Variants in SV2C observed in about 807,000 individuals in gnomAD.
SV2C encodes synaptic vesicle glycoprotein 2C, also known as solute carrier family 22 member B3.
A neutral mutation model predicts 79.7 loss-of-function variants in SV2C; 49 were observed. The ratio of observed to expected loss-of-function variants is 0.61; its 90% CI spans 0.49 to 0.78. The LOEUF is 0.78. Among genes scored for constraint, SV2C ranks in the 30% least tolerant of loss-of-function variants. The pLI is 0.00. For synonymous variants in SV2C, 334 were observed against 333.2 expected (o/e 1.00, Z -0.03); for missense variants, 833 against 912.9 (o/e 0.91, Z 1.13).
At chr5:76,109,117 G>T (rs1274608945) in intron 1 of SV2C, among the ~76,000 whole-genome samples, 1 of 152,214 alleles carries the variant, frequency 6.6e-6, no homozygotes, top group Non-Finnish European at 1.5e-5. Flanking sequence ...AGCCTTAACT[G>T]CTTACTGTAT....
At chr5:76,264,890 C>G (rs1746600270) in intron 4 of SV2C, among the ~76,000 whole-genome samples, 1 of 152,212 alleles carries the variant, frequency 6.6e-6, no homozygotes, top group African/African-American at 2.4e-5. Flanking sequence ...TCGGAGGTCT[C>G]TCCCAGTCAG....
chr5:75,863,646 G>A, the SV2C span, among the ~76,000 whole-genome samples: 1 of 152,174 alleles, frequency 6.6e-6, no homozygotes, highest in Non-Finnish European at 1.5e-5. Flanking sequence ...GTATGCAGTG[G>A]CTTGGCTTCA....
the SV2C span, among the ~76,000 whole-genome samples, chr5:76,073,692 A>G: frequency 1.3e-5 from 2 of 151,634 alleles, no homozygotes; most frequent in African/African-American, 4.8e-5. Flanking sequence ...AGTGGAAGGT[A>G]AGCTATGAGT....
the SV2C span, among the ~76,000 whole-genome samples, chr5:76,017,443 TACC>T: frequency 6.6e-6 from 1 of 151,996 alleles, no homozygotes; most frequent in South Asian, 2.1e-4. Flanking sequence ...TGCACCACCA[TACC>T]AGGCTAATTT....
chr5:76,009,800 A>G, the SV2C span, among the ~76,000 whole-genome samples: 81 of 152,188 alleles, frequency 5.3e-4, no homozygotes, highest in African/African-American at 1.8e-3. Context: ...ACTATTGGAT[A>G]CTATGCTCAG....
intron 4 of SV2C, among the ~76,000 whole-genome samples, chr5:76,231,985 C>T (rs991029652): frequency 7.0e-6 from 1 of 143,794 alleles, no homozygotes; most frequent in Admixed American, 6.6e-5. Context: ...ATGGTATTTC[C>T]AGTTCTAGAT....
At chr5:76,007,323 A>T in the SV2C span, among the ~76,000 whole-genome samples, 1 of 152,026 alleles carries the variant, frequency 6.6e-6, no homozygotes, top group Non-Finnish European at 1.5e-5. Flanking sequence ...TGAAATAATC[A>T]TGGCATTTGA....
At chr5:75,941,288 A>G in the SV2C span, among the ~76,000 whole-genome samples, 4 of 152,360 alleles carry the variant, frequency 2.6e-5, no homozygotes, top group East Asian at 3.9e-4. Flanking sequence ...ACTGCCATTC[A>G]TGGTTTAAGA....
At chr5:75,980,947 C>G in the SV2C span, among the ~76,000 whole-genome samples, 1 of 152,072 alleles carries the variant, frequency 6.6e-6, no homozygotes, top group Non-Finnish European at 1.5e-5. Flanking sequence ...ATGACATGAT[C>G]CTATAGCTAG....
At chr5:75,861,141 T>C in the SV2C span, among the ~76,000 whole-genome samples, 12 of 151,806 alleles carry the variant, frequency 7.9e-5, no homozygotes, top group Non-Finnish European at 1.6e-4. Flanking sequence ...CAAAAACAAA[T>C]AACCCCATTA....
intron 3 of SV2C, among the ~76,000 whole-genome samples, chr5:76,207,386 T>G (rs903311922): frequency 2.6e-5 from 4 of 152,190 alleles, no homozygotes; most frequent in Non-Finnish European, 4.4e-5. Context: ...TGGGATTTTA[T>G]GGTGCAGAGA....
At chr5:76,015,327 A>G in the SV2C span, among the ~76,000 whole-genome samples, 1 of 152,156 alleles carries the variant, frequency 6.6e-6, no homozygotes, top group African/African-American at 2.4e-5. Flanking sequence ...AAAGCCAAAC[A>G]AAAATAAAGC....
the SV2C span, among the ~76,000 whole-genome samples, chr5:76,060,593 G>C: frequency 6.6e-6 from 1 of 152,056 alleles, no homozygotes; most frequent in Non-Finnish European, 1.5e-5. Flanking sequence ...TTAGGGCTTT[G>C]TTCCAGACTG....
the SV2C span, among the ~76,000 whole-genome samples, chr5:75,987,558 T>C: frequency 1.3e-5 from 2 of 151,994 alleles, no homozygotes; most frequent in Non-Finnish European, 2.9e-5. Flanking sequence ...TTTCTTCTTA[T>C]GTGAAGAAAA....
the SV2C span, among the ~76,000 whole-genome samples, chr5:75,996,701 TC>T: frequency 6.6e-6 from 1 of 152,128 alleles, no homozygotes; most frequent in Non-Finnish European, 1.5e-5. Flanking sequence ...GGCCTTCACA[TC>T]CTTTGTAAGT....
At chr5:76,270,108 A>G (rs1746794591) in intron 4 of SV2C, among the ~76,000 whole-genome samples, 1 of 152,238 alleles carries the variant, frequency 6.6e-6, no homozygotes, top group South Asian at 2.1e-4. Flanking sequence ...CTGCAGGGTC[A>G]TAAATCTGGA....
the SV2C span, among the ~76,000 whole-genome samples, chr5:75,878,833 T>A: frequency 6.6e-6 from 1 of 151,594 alleles, no homozygotes; most frequent in Non-Finnish European, 1.5e-5. Context: ...AAAACATATC[T>A]GAGGCTGGAT....
the SV2C span, among the ~76,000 whole-genome samples, chr5:75,957,054 A>G: frequency 2.6e-5 from 4 of 151,930 alleles, no homozygotes; most frequent in African/African-American, 9.7e-5. Flanking sequence ...ACACTCCGTC[A>G]TTTCCTCATT....
chr5:76,201,240 GT>G (rs1403318060), intron 3 of SV2C, among the ~76,000 whole-genome samples: 5 of 152,062 alleles, frequency 3.3e-5, no homozygotes, highest in Non-Finnish European at 7.4e-5. Context: ...CCCCTCTTTT[GT>G]TATAGAAAAT....
Sources: allele counts gnomAD v4.1 joint callset (sites outside exome capture counted in the v4.1 genomes callset), GRCh38; gene constraint gnomAD v4.1.1; transcripts MANE v1.5; gene names NCBI Gene and HGNC (gene_info 2026-07-23, HGNC 2026-07-21).